ENOX1: variants seen among roughly 807,000 people sequenced by gnomAD.
ENOX1 encodes the protein candidate growth-related and time keeping constitutive hydroquinone (NADH) oxidase.
ENOX1 carries 42 observed loss-of-function variants against 82.5 expected under a neutral mutation model. That is an observed-to-expected ratio of 0.51 (90% CI 0.40 to 0.66). The LOEUF is 0.66. Among genes scored for constraint, ENOX1 ranks in the 30% least tolerant of loss-of-function variants. ENOX1 has a pLI of 0.00. For missense variants in ENOX1, 608 were observed against 811.6 expected, an observed-to-expected ratio of 0.75 and a Z score of 3.05; for synonymous variants, 271 against 282.2, an observed-to-expected ratio of 0.96 and a Z score of 0.40.
chr13:43,388,956 C>T (rs1159279186), intron 5 of ENOX1, among the ~76,000 whole-genome samples: 1 of 152,146 alleles, frequency 6.6e-6, no homozygotes, highest in Non-Finnish European at 1.5e-5. Flanking sequence ...TTCCATCTGG[C>T]TGTGGTATCA....
At chr13:43,270,165 T>C (rs1052380741) in intron 12 of ENOX1, among the ~76,000 whole-genome samples, 4 of 152,226 alleles carry the variant, frequency 2.6e-5, no homozygotes, top group African/African-American at 2.4e-5. Flanking sequence ...GGCCACTGTA[T>C]GGATTTTTGT....
intron 12 of ENOX1, among the ~76,000 whole-genome samples, chr13:43,280,300 G>A (rs1015514338): frequency 6.6e-6 from 1 of 152,180 alleles, no homozygotes; most frequent in Non-Finnish European, 1.5e-5. Context: ...ACCCCTATGG[G>A]TGACTTGTAG....
intron 1 of ENOX1, among the ~76,000 whole-genome samples, chr13:43,738,015 T>A (rs1184909858): frequency 6.6e-6 from 1 of 152,216 alleles, no homozygotes; most frequent in Non-Finnish European, 1.5e-5. Flanking sequence ...CCTACTTTAA[T>A]TTAGACCCAA....
intron 5 of ENOX1, among the ~76,000 whole-genome samples, chr13:43,398,912 C>T (rs1441286718): frequency 6.6e-5 from 10 of 151,292 alleles, no homozygotes; most frequent in Admixed American, 4.0e-4. Flanking sequence ...TCACCTGCCT[C>T]AGCCTCCTGA....
intron 12 of ENOX1, among the ~76,000 whole-genome samples, chr13:43,290,830 C>T (rs2153501272): frequency 6.6e-6 from 1 of 152,216 alleles, no homozygotes; most frequent in East Asian, 1.9e-4. Context: ...AGTTCAAGAC[C>T]AGCCTGGCCA....
chr13:43,434,175 T>C (rs1298478604), intron 3 of ENOX1, among the ~76,000 whole-genome samples: 2 of 152,218 alleles, frequency 1.3e-5, no homozygotes, highest in African/African-American at 2.4e-5. Context: ...GTGACAACCA[T>C]GTGCTCTCTA....
intron 2 of ENOX1, among the ~76,000 whole-genome samples, chr13:43,496,740 A>C (rs2076809681): frequency 6.6e-6 from 1 of 152,024 alleles, no homozygotes; most frequent in African/African-American, 2.4e-5. Flanking sequence ...TATTAAATCA[A>C]TTTACTGTAT....
At chr13:43,721,755 C>A (rs2153818329) in intron 1 of ENOX1, among the ~76,000 whole-genome samples, 1 of 152,238 alleles carries the variant, frequency 6.6e-6, no homozygotes, top group South Asian at 2.1e-4. Context: ...TGCACTGGAC[C>A]TTACAAATTA....
At chr13:43,330,568 C>T (rs983763006) in intron 9 of ENOX1, among the ~76,000 whole-genome samples, 4 of 152,082 alleles carry the variant, frequency 2.6e-5, no homozygotes, top group South Asian at 2.1e-4. Flanking sequence ...GCAAATCTTT[C>T]CCCCCCAATT....
chr13:43,355,890 G>T (rs1308167577), intron 8 of ENOX1, 29 bp downstream of exon 8: 43 of 1,588,776 alleles, frequency 2.7e-5, no homozygotes, highest in Non-Finnish European at 3.7e-5. Flanking sequence ...CCCTGTGGAG[G>T]AAGAAAAGCC....
In ENOX1 at chr13:43,614,094, ACTC is replaced by A. The variant is rs1315124825; in HGVS notation, c.-219+53382_-219+53384del. Among the ~76,000 whole-genome samples the A allele has an allele frequency of 3.3e-5, 5 of 152,012 alleles. No individual in the cohort carries two copies. In the East Asian group the frequency reaches 9.7e-4, roughly 29 times the overall value. ...TCCTTAGTTTACTTTGACAATAAAA[ACTC>A]CTATCTCTGTTGCTGCTGGAATAGC... On this transcript the variant is annotated intron_variant, in intron 2 of 16. Transcript: ENST00000690772.
intron 3 of ENOX1, among the ~76,000 whole-genome samples, chr13:43,426,532 A>G (rs1483973312): frequency 6.6e-6 from 1 of 152,168 alleles, no homozygotes; most frequent in Non-Finnish European, 1.5e-5. Context: ...CTGCTTTTCA[A>G]GTCCTCTGAT....
At chr13:43,271,364 T>C (rs1353692759) in intron 12 of ENOX1, among the ~76,000 whole-genome samples, 3 of 151,894 alleles carry the variant, frequency 2.0e-5, no homozygotes, top group Admixed American at 6.6e-5. Flanking sequence ...CAGCAAAAAA[T>C]ACATTCAGGT....
At chr13:43,236,503 A>G (rs2042558409) in intron 15 of ENOX1, 133 bp downstream of exon 15, 1 of 563,282 alleles carries the variant, frequency 1.8e-6, no homozygotes, top group East Asian at 3.4e-5. Context: ...ATGTAATATA[A>G]TCTTGATGAA....
At chr13:43,626,054 T>A (rs2082949127) in intron 2 of ENOX1, among the ~76,000 whole-genome samples, 1 of 151,874 alleles carries the variant, frequency 6.6e-6, no homozygotes, top group Admixed American at 6.6e-5. Flanking sequence ...AAACATAATA[T>A]TGGGTGAGTT....
intron 5 of ENOX1, among the ~76,000 whole-genome samples, chr13:43,385,960 G>A (rs1237559958): frequency 2.0e-5 from 3 of 152,168 alleles, no homozygotes; most frequent in African/African-American, 7.2e-5. Context: ...GAGGTCAGGA[G>A]TTTGAGACGA....
At chr13:43,361,702 T>C (rs2050520355) in intron 5 of ENOX1, among the ~76,000 whole-genome samples, 1 of 152,208 alleles carries the variant, frequency 6.6e-6, no homozygotes, top group African/African-American at 2.4e-5. Flanking sequence ...GAACACAGCA[T>C]ATTAAAATGT....
At chr13:43,328,164 G>T (rs1175961421) in intron 9 of ENOX1, among the ~76,000 whole-genome samples, 2 of 152,170 alleles carry the variant, frequency 1.3e-5, no homozygotes, top group African/African-American at 4.8e-5. Flanking sequence ...GCCATCAGCT[G>T]ACCACTGATC....
At chr13:43,378,555 A>G (rs1255066445) in intron 5 of ENOX1, among the ~76,000 whole-genome samples, 2 of 152,248 alleles carry the variant, frequency 1.3e-5, no homozygotes, top group African/African-American at 4.8e-5. Context: ...CTCATAATTC[A>G]TGATGTTATT....
Sources: gnomAD v4.1 joint callset for allele counts (sites outside exome capture counted in the v4.1 genomes callset) on GRCh38, gnomAD v4.1.1 for gene constraint, MANE v1.5 for transcripts, NCBI Gene and HGNC (gene_info 2026-07-23, HGNC 2026-07-21) for gene names.